Variants in EXOC6B observed in about 807,000 individuals in gnomAD.
EXOC6B encodes the protein exocyst complex component 6B, also known as SEC15 homolog B.
EXOC6B carries 54 observed loss-of-function variants against 113.5 expected under a neutral mutation model. That is an observed-to-expected ratio of 0.48 (90% confidence interval 0.38 to 0.60). The LOEUF is 0.60. Ranked by LOEUF, EXOC6B falls within the 20% of genes least tolerant of loss-of-function variation. EXOC6B has a pLI of 0.00. For missense variants in EXOC6B, 797 were observed against 977.5 expected, an observed-to-expected ratio of 0.82 and a Z score of 2.46; for synonymous variants, 357 against 339.0, an observed-to-expected ratio of 1.05 and a Z score of -0.58.
At chr2:72,500,263 T>A (rs561794487) in intron 11 of EXOC6B, among the ~76,000 whole-genome samples, 1 of 152,152 alleles carries the variant, frequency 6.6e-6, no homozygotes, top group East Asian at 1.9e-4. Context: ...TTGACACTTT[T>A]AAAAATGAAC....
intron 18 of EXOC6B, among the ~76,000 whole-genome samples, chr2:72,404,844 C>A (rs1693613924): frequency 6.6e-6 from 1 of 152,158 alleles, no homozygotes; most frequent in African/African-American, 2.4e-5. Flanking sequence ...AGCAATGGAA[C>A]AATGCTGCAT....
At chr2:72,341,108 A>G (rs1204818625) in intron 19 of EXOC6B, among the ~76,000 whole-genome samples, 3 of 152,170 alleles carry the variant, frequency 2.0e-5, no homozygotes, top group Non-Finnish European at 4.4e-5. Context: ...CAAAATAGAT[A>G]CCATTAATTA....
intron 1 of EXOC6B, among the ~76,000 whole-genome samples, chr2:72,780,125 T>C (rs988402024): frequency 2.0e-5 from 3 of 152,216 alleles, no homozygotes; most frequent in African/African-American, 7.2e-5. Context: ...ATTATTTTCA[T>C]AATCTGGAAA....
At chr2:72,318,079 C>T (rs766176310) in intron 20 of EXOC6B, among the ~76,000 whole-genome samples, 6 of 152,146 alleles carry the variant, frequency 3.9e-5, no homozygotes, top group Admixed American at 6.5e-5. Context: ...TGTAGTACCA[C>T]TGGAGACAAG....
At chr2:72,266,472 T>G (rs1217003581) in intron 20 of EXOC6B, among the ~76,000 whole-genome samples, 1 of 151,734 alleles carries the variant, frequency 6.6e-6, no homozygotes, top group African/African-American at 2.4e-5. Context: ...TTTCTACATA[T>G]GGCTAGCCAG....
chr2:72,401,540 T>TGAAAAAGAATGAA (rs1693209353), intron 18 of EXOC6B, among the ~76,000 whole-genome samples: 3 of 23,964 alleles, frequency 1.3e-4, no homozygotes, highest in Non-Finnish European at 1.9e-4. Context: ...TATATATATA[T>TGAAAAAGAATGAA]ATATGTGTAT....
chr2:72,192,367 C>T (rs1678901595), intron 20 of EXOC6B, among the ~76,000 whole-genome samples: 1 of 152,176 alleles, frequency 6.6e-6, no homozygotes, highest in Non-Finnish European at 1.5e-5. Context: ...ACCTAAGCTC[C>T]TCTTGCCCAG....
At chr2:72,238,276 T>A (rs1043024451) in intron 20 of EXOC6B, among the ~76,000 whole-genome samples, 15 of 152,240 alleles carry the variant, frequency 9.9e-5, no homozygotes, top group Non-Finnish European at 1.9e-4. Context: ...AATATTTCAT[T>A]GTATGAATAT....
At chr2:72,439,287 G>A (rs942958330) in intron 18 of EXOC6B, among the ~76,000 whole-genome samples, 4 of 152,114 alleles carry the variant, frequency 2.6e-5, no homozygotes, top group East Asian at 3.9e-4. Flanking sequence ...CCTGTCTATC[G>A]AGGTGGGGAA....
At chr2:72,335,616 A>C (rs1688652745) in intron 19 of EXOC6B, among the ~76,000 whole-genome samples, 1 of 148,758 alleles carries the variant, frequency 6.7e-6, no homozygotes, top group Admixed American at 6.7e-5. Flanking sequence ...AGCAGAGGCT[A>C]TCCCAATCCA....
rs536994967 is a variant in EXOC6B at position 72,602,763 on chromosome 2, C to T, written c.670-27095G>A. On this transcript the variant is annotated intron_variant, in intron 6 of 21. Coordinates refer to ENST00000272427, the MANE Select transcript of EXOC6B (RefSeq NM_015189.3). ...CAAGACACATAAAGAAAGATGAGCC[C>T]CAAATTCAAAACGAGCAGTCTGTTG... 6.6e-5 allele frequency among the ~76,000 whole-genome samples: 10 copies of T among 152,208 alleles called. No individual in the cohort carries two copies. In the South Asian group the frequency reaches 1.5e-3, roughly 22 times the overall value.
At chr2:72,259,816 T>G (rs1683595730) in intron 20 of EXOC6B, among the ~76,000 whole-genome samples, 1 of 136,608 alleles carries the variant, frequency 7.3e-6, no homozygotes, top group Admixed American at 6.8e-5. Flanking sequence ...TTTGGGAAGC[T>G]GAGGCAGACA....
chr2:72,818,016 G>A (rs563474518), intron 1 of EXOC6B, among the ~76,000 whole-genome samples: 17 of 152,196 alleles, frequency 1.1e-4, no homozygotes, highest in African/African-American at 4.1e-4. Context: ...CTGTCGCCCA[G>A]GCTGGAGTTC....
chr2:72,436,597 C>A (rs1276900180), intron 18 of EXOC6B, among the ~76,000 whole-genome samples: 1 of 151,916 alleles, frequency 6.6e-6, no homozygotes, highest in African/African-American at 2.4e-5. Flanking sequence ...TTGTTCATTC[C>A]TTTTCATTCT....
At chr2:72,497,999 G>A (rs929846991) in intron 13 of EXOC6B, among the ~76,000 whole-genome samples, 1 of 152,184 alleles carries the variant, frequency 6.6e-6, no homozygotes, top group Admixed American at 6.5e-5. Context: ...GGAGAGGGAA[G>A]ATGATGAGGA....
chr2:72,776,751 T>C (rs949612248), intron 1 of EXOC6B, among the ~76,000 whole-genome samples: 8 of 151,990 alleles, frequency 5.3e-5, no homozygotes, highest in African/African-American at 1.5e-4. Flanking sequence ...ATATATAACA[T>C]ACAATATATA....
intron 20 of EXOC6B, among the ~76,000 whole-genome samples, chr2:72,187,989 G>A (rs1678555630): frequency 6.6e-6 from 1 of 152,334 alleles, no homozygotes; most frequent in East Asian, 1.9e-4. Context: ...GGCCTTCCCA[G>A]GCCCCCAAGA....
chr2:72,189,730 CT>C (rs1214711891), intron 20 of EXOC6B, among the ~76,000 whole-genome samples: 1 of 150,814 alleles, frequency 6.6e-6, no homozygotes, highest in Non-Finnish European at 1.5e-5. Flanking sequence ...TGCCCCTCCC[CT>C]CCCCTCCCCT....
chr2:72,434,713 C>CATAAATACA (rs1330005670), intron 18 of EXOC6B, among the ~76,000 whole-genome samples: 1 of 152,170 alleles, frequency 6.6e-6, no homozygotes, highest in Non-Finnish European at 1.5e-5. Flanking sequence ...ATAGTATTCC[C>CATAAATACA]TGATGGTAGT....
Sources: allele counts gnomAD v4.1 joint callset (sites outside exome capture counted in the v4.1 genomes callset), GRCh38; gene constraint gnomAD v4.1.1; transcripts MANE v1.5; gene names NCBI Gene and HGNC (gene_info 2026-07-23, HGNC 2026-07-21).